PRKG1: variants seen among roughly 807,000 people sequenced by gnomAD.
PRKG1 encodes protein kinase cGMP-dependent 1, also known as cGMP-dependent protein kinase 1.
Under a neutral mutation model 88.1 loss-of-function variants are expected in PRKG1, and 35 were observed. The observed-to-expected ratio is 0.40, with a 90% CI of 0.30 to 0.53. PRKG1 has a LOEUF of 0.53. PRKG1 is among the 20% of genes least tolerant of loss of function. PRKG1 has a pLI of 0.59. For synonymous variants in PRKG1, 303 were observed against 292.5 expected, an observed-to-expected ratio of 1.04 and a Z score of -0.37; for missense variants, 540 against 839.8, an observed-to-expected ratio of 0.64 and a Z score of 4.41.
intron 3 of PRKG1, among the ~76,000 whole-genome samples, chr10:51,747,598 C>T (rs768581034): frequency 6.6e-6 from 1 of 152,182 alleles, no homozygotes; most frequent in Non-Finnish European, 1.5e-5. Flanking sequence ...AGATTACTGA[C>T]ACCAGGTGGT....
chr10:51,304,718 G>A (rs576795641), intron 2 of PRKG1, among the ~76,000 whole-genome samples: 1 of 144,000 alleles, frequency 6.9e-6, no homozygotes, highest in Admixed American at 7.4e-5. Context: ...CCACCTATGA[G>A]TGAGAACATG....
In PRKG1 at chr10:51,153,166, C is replaced by T. The variant is rs1368918637; in HGVS notation, c.314C>T (p.Ser105Phe). 1.9e-6 allele frequency: 3 copies of T among 1,610,508 alleles called. No individual in the cohort carries two copies. Among genetic ancestry groups the T allele is most frequent in the African/African-American group, 1.3e-5 (1 of 74,608 alleles). Residue 105 changes from serine to phenylalanine, a missense_variant and splice_region_variant, in exon 2 of 18, where the codon TCC (serine) becomes TTC (phenylalanine). Around this residue, in one of 5 missense-constraint regions of PRKG1, gnomAD observed 400 missense variants for 562.7 expected, o/e 0.71. Coordinates refer to ENST00000373980, the MANE Select transcript of PRKG1 (RefSeq NM_006258.4). ...AAATCTTCCCTCTCTTGCCATAGGT[C>T]CAAGGATCTTATAAAGGAAGCTATC... ...TLPFYPKSPQ[S>F]KDLIKEAILD...
At chr10:51,230,689 T>C (rs1469408438) in intron 2 of PRKG1, among the ~76,000 whole-genome samples, 2 of 152,202 alleles carry the variant, frequency 1.3e-5, no homozygotes, top group South Asian at 2.1e-4. Flanking sequence ...CATCCTACCA[T>C]ATACTTTAAA....
At chr10:52,014,347 G>A (rs570395770) in intron 5 of PRKG1, among the ~76,000 whole-genome samples, 8 of 152,210 alleles carry the variant, frequency 5.3e-5, no homozygotes, top group African/African-American at 1.9e-4. Flanking sequence ...CATGGGGGAA[G>A]AGCCAAACAC....
At chr10:51,681,169 T>A (rs922226749) in intron 3 of PRKG1, among the ~76,000 whole-genome samples, 2 of 152,212 alleles carry the variant, frequency 1.3e-5, no homozygotes, top group African/African-American at 2.4e-5. Flanking sequence ...GCTGTTGCAA[T>A]GAATTAATTA....
At chr10:52,063,793 A>G (rs1846293284) in intron 7 of PRKG1, among the ~76,000 whole-genome samples, 1 of 152,056 alleles carries the variant, frequency 6.6e-6, no homozygotes, top group Admixed American at 6.5e-5. Context: ...AGTTGTCAAC[A>G]GAGAGGGTAG....
At chr10:52,238,885 G>A (rs1310547381) in intron 9 of PRKG1, among the ~76,000 whole-genome samples, 3 of 146,878 alleles carry the variant, frequency 2.0e-5, no homozygotes, top group African/African-American at 5.1e-5. Context: ...TGTTTATTGC[G>A]GCACTATTCA....
At chr10:52,122,132 A>T (rs1455825999) in intron 7 of PRKG1, among the ~76,000 whole-genome samples, 2 of 152,210 alleles carry the variant, frequency 1.3e-5, no homozygotes, top group Non-Finnish European at 2.9e-5. Context: ...GGTCTTCTTG[A>T]TGCATCATTC....
intron 5 of PRKG1, among the ~76,000 whole-genome samples, chr10:52,005,414 A>C (rs992890651): frequency 3.9e-5 from 6 of 152,082 alleles, no homozygotes; most frequent in African/African-American, 1.2e-4. Flanking sequence ...TGTTTTTAAA[A>C]GGCTGTGGAG....
At position 51,074,614 on chromosome 10, in the gene PRKG1, G is replaced by A. The variant is rs1843898962; in HGVS notation, c.24G>A (p.Gln8=). 6.2e-7 allele frequency: 1 copy of A among 1,613,444 alleles called. No homozygotes were observed. The highest frequency in any genetic ancestry group is 8.5e-7 in the Non-Finnish European group (1 of 1,179,510). The change falls in exon 1 of 18, where the codon CAG becomes CAA. Residue 8 remains glutamine, a synonymous_variant. Coordinates refer to ENST00000373980, the MANE Select transcript of PRKG1 (RefSeq NM_006258.4). MGTLRDL[Q]YALQEKIEEL... ...GCATGGGCACCTTGCGGGATTTACA[G>A]TACGCGCTCCAGGAGAAGATCGAGG...
chr10:52,204,646 T>C (rs2132785383), intron 9 of PRKG1, among the ~76,000 whole-genome samples: 1 of 152,340 alleles, frequency 6.6e-6, no homozygotes, highest in South Asian at 2.1e-4. Context: ...TGATTTCCTA[T>C]GCCGGTCTTT....
At chr10:51,469,538 T>C (rs1230952843) in intron 3 of PRKG1, among the ~76,000 whole-genome samples, 1 of 151,908 alleles carries the variant, frequency 6.6e-6, no homozygotes, top group Non-Finnish European at 1.5e-5. Flanking sequence ...AGTTTTCTTA[T>C]TAGAGTTCTA....
At chr10:51,051,861 C>T (rs1843565987) in intron 1 of PRKG1, among the ~76,000 whole-genome samples, 2 of 152,024 alleles carry the variant, frequency 1.3e-5, no homozygotes, top group East Asian at 3.9e-4. Flanking sequence ...ATTCCTAAGG[C>T]TTAAGAAAAA....
chr10:52,067,209 C>T (rs1846375576), intron 7 of PRKG1, among the ~76,000 whole-genome samples: 1 of 152,030 alleles, frequency 6.6e-6, no homozygotes, highest in Non-Finnish European at 1.5e-5. Context: ...AGTTTTTATA[C>T]TTGGAATAAA....
intron 3 of PRKG1, among the ~76,000 whole-genome samples, chr10:51,526,762 TC>T (rs1841895273): frequency 2.0e-5 from 3 of 152,156 alleles, no homozygotes; most frequent in Non-Finnish European, 4.4e-5. Context: ...TTTCTTTCTC[TC>T]CTACCAGCTC....
intron 3 of PRKG1, among the ~76,000 whole-genome samples, chr10:51,540,108 A>G (rs1842263401): frequency 6.6e-6 from 1 of 152,198 alleles, no homozygotes; most frequent in African/African-American, 2.4e-5. Context: ...AACTGTAGGC[A>G]TTTGTTAAAA....
At chr10:51,824,401 TA>T (rs1423721596) in intron 4 of PRKG1, among the ~76,000 whole-genome samples, 1 of 140,258 alleles carries the variant, frequency 7.1e-6, no homozygotes. Flanking sequence ...TTTGTTATTT[TA>T]ACTTTTTTCA....
chr10:51,574,269 A>G (rs1837830713), intron 3 of PRKG1, among the ~76,000 whole-genome samples: 1 of 151,932 alleles, frequency 6.6e-6, no homozygotes, highest in Admixed American at 6.6e-5. Flanking sequence ...CTGAAAGGAG[A>G]CAAAAAATGA....
At position 51,082,560 on chromosome 10, in the gene PRKG1, C is replaced by T. The variant is rs975603673; in HGVS notation, c.311+7659C>T. On this transcript the variant is annotated intron_variant, in intron 1 of 17. Coordinates refer to ENST00000373980, the MANE Select transcript of PRKG1 (RefSeq NM_006258.4). ...AACGTGTAGCAAAATTTGATAACCA[C>T]TCTAATAGGAAGATGACAAGAGGAG... Among the ~76,000 whole-genome samples the T allele has an allele frequency of 3.3e-5, 5 of 152,188 alleles. No homozygotes were observed. The South Asian group carries it at 8.3e-4, about 25-fold the overall frequency.
Sources: gnomAD v4.1 joint callset for allele counts (sites outside exome capture counted in the v4.1 genomes callset) on GRCh38, gnomAD v4.1.1 for gene constraint, gnomAD v4.1.1 regional missense constraint, MANE v1.5 for transcripts, NCBI Gene and HGNC (gene_info 2026-07-23, HGNC 2026-07-21) for gene names.